The following CDKAL1 variants were observed in gnomAD, a reference collection of about 807,000 sequenced individuals.
CDKAL1 encodes the protein threonylcarbamoyladenosine tRNA methylthiotransferase.
Under a neutral mutation model 68.2 loss-of-function variants are expected in CDKAL1, and 32 were observed. That is an observed-to-expected ratio of 0.47 (90% CI 0.35 to 0.63). CDKAL1 has a LOEUF of 0.63. Among genes scored for constraint, CDKAL1 ranks in the 30% least tolerant of loss-of-function variants. The probability of loss-of-function intolerance (pLI) is 0.00; values close to 1 mark genes in which losing one functional copy is unlikely to be tolerated. For synonymous variants in CDKAL1, 234 were observed against 244.3 expected, an observed-to-expected ratio of 0.96 and a Z score of 0.39; for missense variants, 606 against 696.7, an observed-to-expected ratio of 0.87 and a Z score of 1.47.
intron 5 of CDKAL1, among the ~76,000 whole-genome samples, chr6:20,676,254 A>G (rs1770090663): frequency 6.6e-6 from 1 of 152,120 alleles, no homozygotes; most frequent in African/African-American, 2.4e-5. Context: ...TGTTTATTGT[A>G]CATTTTAGTG....
At chr6:21,023,142 T>TTA (rs397828411) in intron 11 of CDKAL1, among the ~76,000 whole-genome samples, 1 of 151,926 alleles carries the variant, frequency 6.6e-6, no homozygotes, top group Admixed American at 6.6e-5. Flanking sequence ...TTTTTTTTTT[T>TTA]ACCATTAGCC....
chr6:20,897,335 T>A (rs1278415492), intron 9 of CDKAL1, among the ~76,000 whole-genome samples: 2 of 152,062 alleles, frequency 1.3e-5, no homozygotes. Flanking sequence ...CCAGTAGGAA[T>A]GAATTGGGCA....
Position 20,921,865 on chromosome 6 carries a change from A to G in CDKAL1, c.743-33554A>G, listed in dbSNP as rs1041950431. Among the ~76,000 whole-genome samples, 8 of 152,202 alleles carry G rather than the reference A, an allele frequency of 5.3e-5. No individual in the cohort carries two copies. The East Asian group carries it at 1.5e-3, about 29-fold the overall frequency. ...ACCCTCCCTCCGTAGTTTCTCAACA[A>G]TTGCAGTTATCTCTACTATTTTCTT... is the stretch of plus-strand genomic sequence containing the variant. On this transcript the variant is annotated intron_variant, in intron 9 of 15. Transcript: ENST00000274695.
intron 7 of CDKAL1, among the ~76,000 whole-genome samples, chr6:20,763,630 G>T (rs1212954943): frequency 6.6e-6 from 1 of 152,120 alleles, no homozygotes; most frequent in African/African-American, 2.4e-5. Flanking sequence ...AGGGGCTTTA[G>T]ACATACAGCC....
chr6:21,131,947 T>C (rs1775341831), intron 13 of CDKAL1, among the ~76,000 whole-genome samples: 1 of 152,146 alleles, frequency 6.6e-6, no homozygotes, highest in South Asian at 2.1e-4. Flanking sequence ...GAAAACATCA[T>C]TGTTTAACCA....
Position 20,955,484 on chromosome 6 carries a change from A to C in CDKAL1, c.808A>C (p.Asn270His). ...GGCTTATGGCAGAGATATTGGCACC[A>C]ATCTCCCCACACTCCTGTGGAAACT... ...TGAYGRDIGT[N>H]LPTLLWKLVE... Residue 270 changes from asparagine (N) to histidine (H), a missense_variant, in exon 10 of 16, where the codon AAT becomes CAT. Transcript: ENST00000274695. The C allele has an allele frequency of 6.2e-7, 1 of 1,614,108 alleles. No homozygotes were observed. The highest frequency in any genetic ancestry group is 8.5e-7 in the Non-Finnish European group (1 of 1,179,984).
At chr6:20,743,483 T>G (rs114460486) in intron 6 of CDKAL1, among the ~76,000 whole-genome samples, 1,970 of 152,298 alleles carry the variant, frequency 0.013, 51 homozygotes, top group African/African-American at 0.044. Context: ...TAAGAAGATA[T>G]TAATAGATAA....
intron 15 of CDKAL1, among the ~76,000 whole-genome samples, chr6:21,211,380 C>T (rs766975780): frequency 2.7e-4 from 41 of 152,320 alleles, no homozygotes; most frequent in Admixed American, 6.5e-4. Flanking sequence ...GGTTAGGCTG[C>T]GCTTCGGTAA....
chr6:20,717,836 G>GT lies in CDKAL1; in HGVS notation c.372-21676dup, dbSNP rs202157364. ...GGAATTTGAAATCTAGAAACCTTGTGTTTTTTTGCCTTCTCCCTCTTCTGG... is the reference window on the plus strand; with the variant it reads ...GGAATTTGAAATCTAGAAACCTTGTGTTTTTTTTGCCTTCTCCCTCTTCTGG... On this transcript the variant is annotated intron_variant, in intron 5 of 15. Coordinates refer to ENST00000274695, the MANE Select transcript of CDKAL1 (RefSeq NM_017774.3). Among the ~76,000 whole-genome samples, 630 of 152,062 alleles carry GT rather than the reference G, an allele frequency of 4.1e-3. 9 individuals are homozygous for GT. The highest frequency in any genetic ancestry group is 0.014 in the African/African-American group (591 of 41,498).
chr6:20,819,484 C>T (rs1777185629), intron 8 of CDKAL1, among the ~76,000 whole-genome samples: 2 of 152,064 alleles, frequency 1.3e-5, no homozygotes, highest in Non-Finnish European at 2.9e-5. Flanking sequence ...TGCTTGTATT[C>T]ATTTAGAGCT....
At chr6:20,801,168 C>T (rs896175599) in intron 8 of CDKAL1, among the ~76,000 whole-genome samples, 1 of 152,200 alleles carries the variant, frequency 6.6e-6, no homozygotes, top group Non-Finnish European at 1.5e-5. Flanking sequence ...AAGTGATCCT[C>T]CTACCTTGGC....
chr6:20,982,389 A>C (rs2150776566), intron 10 of CDKAL1, among the ~76,000 whole-genome samples: 1 of 152,302 alleles, frequency 6.6e-6, no homozygotes, highest in South Asian at 2.1e-4. Context: ...TAAATAAATA[A>C]AGTGTACTGG....
intron 9 of CDKAL1, among the ~76,000 whole-genome samples, chr6:20,918,117 A>C (rs979359900): frequency 1.3e-5 from 2 of 152,152 alleles, no homozygotes; most frequent in African/African-American, 4.8e-5. Flanking sequence ...TTTCGGGGGG[A>C]AAAGAGGCGT....
chr6:21,198,360 CG>C (rs1230691132), intron 14 of CDKAL1, among the ~76,000 whole-genome samples: 1 of 152,128 alleles, frequency 6.6e-6, no homozygotes, highest in Non-Finnish European at 1.5e-5. Flanking sequence ...GGCTTTTGGG[CG>C]TTTGGAACCA....
At chr6:20,858,408 T>C (rs1759446992) in intron 9 of CDKAL1, among the ~76,000 whole-genome samples, 1 of 152,146 alleles carries the variant, frequency 6.6e-6, no homozygotes, top group Non-Finnish European at 1.5e-5. Context: ...TGTATATAAT[T>C]AGAAGAAGAA....
chr6:20,606,102 C>T (rs755625407), intron 4 of CDKAL1, among the ~76,000 whole-genome samples: 1 of 152,092 alleles, frequency 6.6e-6, no homozygotes, highest in Non-Finnish European at 1.5e-5. Flanking sequence ...GGTCACTGTT[C>T]TGCATTGTGT....
At chr6:21,066,977 T>A (rs910254020) in intron 12 of CDKAL1, among the ~76,000 whole-genome samples, 3 of 152,216 alleles carry the variant, frequency 2.0e-5, no homozygotes, top group African/African-American at 7.2e-5. Context: ...TCACACCCAG[T>A]TCCTGACAAC....
At chr6:21,023,547 C>G (rs1768798482) in intron 11 of CDKAL1, among the ~76,000 whole-genome samples, 1 of 152,064 alleles carries the variant, frequency 6.6e-6, no homozygotes, top group African/African-American at 2.4e-5. Context: ...TTTCCATACC[C>G]CTGTCAAACA....
chr6:20,813,547 T>C (rs1334602768), intron 8 of CDKAL1, among the ~76,000 whole-genome samples: 1 of 152,238 alleles, frequency 6.6e-6, no homozygotes, highest in African/African-American at 2.4e-5. Context: ...TTCTCCTGTT[T>C]GTCTTTTCTC....
Sources: allele counts gnomAD v4.1 joint callset (sites outside exome capture counted in the v4.1 genomes callset), GRCh38; gene constraint gnomAD v4.1.1; transcripts MANE v1.5; gene names NCBI Gene and HGNC (gene_info 2026-07-23, HGNC 2026-07-21).